The following PCDH15 variants were observed in gnomAD, a reference collection of about 807,000 sequenced individuals.
The protein encoded by PCDH15 is protocadherin-15.
In PCDH15, 129 loss-of-function variants were observed where a neutral mutation model predicts 178.5. The ratio of observed to expected loss-of-function variants is 0.72; its 90% confidence interval spans 0.63 to 0.84. The LOEUF is 0.84. Ranked by LOEUF, PCDH15 falls within the 40% of genes least tolerant of loss-of-function variation. PCDH15 has a pLI of 0.00. For missense variants in PCDH15, 2,230 were observed against 2,099.9 expected (o/e 1.06, Z -1.21); for synonymous variants, 800 against 732.0 (o/e 1.09, Z -1.50).
rs545710170 is a variant in PCDH15 at position 53,842,114 on chromosome 10, A to G, written c.3807-1618T>C. On this transcript the variant is annotated intron_variant, in intron 28 of 37. Transcript: ENST00000644397. ...AGGCCTCGGAGTCAAACCATATTAT[A>G]CTCTTGACATTTTGTAGGAGGCACA... is the stretch of plus-strand genomic sequence containing the variant. 9.5e-4 allele frequency among the ~76,000 whole-genome samples: 145 copies of G among 152,166 alleles called. 1 individual carries two copies. Among genetic ancestry groups the G allele is most frequent in the African/African-American group, 3.3e-3 (138 of 41,538 alleles).
intron 3 of PCDH15, among the ~76,000 whole-genome samples, chr10:54,390,262 A>T (rs11004273): frequency 0.033 from 4,895 of 150,070 alleles, 109 homozygotes; most frequent in Non-Finnish European, 0.05. Flanking sequence ...GCTCCCTGCC[A>T]ATAGTGACAA....
intron 2 of PCDH15, among the ~76,000 whole-genome samples, chr10:55,149,987 G>T (rs759440478): frequency 1.3e-5 from 2 of 151,198 alleles, no homozygotes; most frequent in South Asian, 2.1e-4. Context: ...CCAACTTGGT[G>T]GGGGAGGGAG....
chr10:55,073,637 A>G (rs941787804), intron 2 of PCDH15, among the ~76,000 whole-genome samples: 1 of 152,122 alleles, frequency 6.6e-6, no homozygotes, highest in African/African-American at 2.4e-5. Context: ...TCTGGTTTTG[A>G]TATCAGAGTA....
intron 1 of PCDH15, among the ~76,000 whole-genome samples, chr10:55,270,700 C>T (rs1276483709): frequency 6.6e-6 from 1 of 152,118 alleles, no homozygotes; most frequent in Non-Finnish European, 1.5e-5. Context: ...GGTGAGAATG[C>T]AAGTTTGTTC....
intron 3 of PCDH15, among the ~76,000 whole-genome samples, chr10:54,524,561 A>T (rs754201061): frequency 1.3e-5 from 2 of 152,056 alleles, no homozygotes; most frequent in Non-Finnish European, 2.9e-5. Flanking sequence ...AACTGTCCCC[A>T]CCTCTCTTCT....
chr10:53,891,952 G>A (rs933555992), intron 26 of PCDH15, among the ~76,000 whole-genome samples: 2 of 149,616 alleles, frequency 1.3e-5, no homozygotes, highest in Non-Finnish European at 3.0e-5. Flanking sequence ...CTGGGTGACA[G>A]AGCAACACTC....
intron 2 of PCDH15, among the ~76,000 whole-genome samples, chr10:55,579,635 T>TC: frequency 6.6e-6 from 1 of 152,302 alleles, no homozygotes; most frequent in African/African-American, 2.4e-5. Context: ...TAGCTAATAT[T>TC]ACTGGATGAT....
intron 27 of PCDH15, among the ~76,000 whole-genome samples, chr10:53,859,047 C>G (rs941747457): frequency 8.5e-6 from 1 of 117,312 alleles, no homozygotes; most frequent in African/African-American, 3.1e-5. Context: ...TTTTTTCTTT[C>G]TTTTAACATT....
intron 2 of PCDH15, among the ~76,000 whole-genome samples, chr10:55,472,815 G>T (rs999648610): frequency 5.9e-5 from 9 of 152,086 alleles, no homozygotes; most frequent in African/African-American, 2.2e-4. Flanking sequence ...TGATCCACCC[G>T]ACTCGGCCTC....
rs181607263 is a variant in PCDH15 at position 54,045,549 on chromosome 10, A to G, written c.2220+21208T>C. ...GCTATTGCTGCAAGACTAGACTAATAAACCAACACAATAGAATAGAGAGCC... is the reference window on the plus strand; with the variant it reads ...GCTATTGCTGCAAGACTAGACTAATGAACCAACACAATAGAATAGAGAGCC... On this transcript the variant is annotated intron_variant, in intron 18 of 37. Coordinates refer to ENST00000644397, the MANE Select transcript of PCDH15 (RefSeq NM_001384140.1). Among the ~76,000 whole-genome samples the G allele has an allele frequency of 1.9e-3, 288 of 152,246 alleles. 2 individuals carry two copies. The highest frequency in any genetic ancestry group is 3.2e-3 in the Admixed American group (49 of 15,266).
chr10:54,338,939 TTAATA>T (rs1281955228), intron 6 of PCDH15, among the ~76,000 whole-genome samples: 5 of 152,318 alleles, frequency 3.3e-5, no homozygotes, highest in South Asian at 2.1e-4. Context: ...ACAATGAGAT[TTAATA>T]TATCAGAATA....
At chr10:54,929,683 A>C (rs1837720368) in intron 2 of PCDH15, among the ~76,000 whole-genome samples, 1 of 152,164 alleles carries the variant, frequency 6.6e-6, no homozygotes, top group South Asian at 2.1e-4. Context: ...CAATAGTTTA[A>C]AAGGAAATTT....
intron 2 of PCDH15, among the ~76,000 whole-genome samples, chr10:55,518,281 T>A (rs983077650): frequency 6.6e-6 from 1 of 152,122 alleles, no homozygotes; most frequent in African/African-American, 2.4e-5. Context: ...GATATTGCAA[T>A]AGTAGCTTAC....
At chr10:55,219,828 A>C (rs1225264257) in intron 1 of PCDH15, among the ~76,000 whole-genome samples, 1 of 151,480 alleles carries the variant, frequency 6.6e-6, no homozygotes, top group African/African-American at 2.4e-5. Flanking sequence ...GTTTTTCAAA[A>C]CAATATTGGA....
At chr10:54,085,092 A>T (rs538460735) in intron 16 of PCDH15, among the ~76,000 whole-genome samples, 2 of 152,294 alleles carry the variant, frequency 1.3e-5, no homozygotes, top group African/African-American at 2.4e-5. Flanking sequence ...TGTGAGAAAT[A>T]GTTTGATTTG....
intron 20 of PCDH15, among the ~76,000 whole-genome samples, chr10:54,005,281 C>A (rs532012183): frequency 6.6e-6 from 1 of 152,198 alleles, no homozygotes; most frequent in African/African-American, 2.4e-5. Flanking sequence ...ACCTCACAAG[C>A]ACAGGCAACC....
At chr10:54,242,093 C>G (rs1466825986) in intron 8 of PCDH15, among the ~76,000 whole-genome samples, 1 of 119,212 alleles carries the variant, frequency 8.4e-6, no homozygotes, top group African/African-American at 3.1e-5. Context: ...AACCTCACTA[C>G]CAGATTGAAA....
intron 2 of PCDH15, among the ~76,000 whole-genome samples, chr10:55,072,624 A>G (rs1031664324): frequency 2.0e-5 from 3 of 152,158 alleles, no homozygotes; most frequent in African/African-American, 7.2e-5. Flanking sequence ...CCAACCAAAA[A>G]GAGTCCAGGA....
intron 2 of PCDH15, among the ~76,000 whole-genome samples, chr10:55,330,800 G>T (rs75427467): frequency 0.011 from 1,629 of 150,588 alleles, 30 homozygotes; most frequent in African/African-American, 0.037. Context: ...TGAACCTGGT[G>T]ATTTCTCATT....
Sources: allele counts gnomAD v4.1 joint callset (sites outside exome capture counted in the v4.1 genomes callset), GRCh38; gene constraint gnomAD v4.1.1; transcripts MANE v1.5; gene names NCBI Gene and HGNC (gene_info 2026-07-23, HGNC 2026-07-21).